The following HUNK variants were observed in gnomAD, a reference collection of about 807,000 sequenced individuals.
HUNK encodes hormonally up-regulated Neu-associated kinase, also known as hormonally up-regulated neu tumor-associated kinase.
Under a neutral mutation model 61.0 loss-of-function variants are expected in HUNK, and 21 were observed. That is an observed-to-expected ratio of 0.34 (90% CI 0.24 to 0.50). The LOEUF is 0.50. Among genes scored for constraint, HUNK ranks in the 20% least tolerant of loss-of-function variants. The pLI is 0.98. For missense variants in HUNK, 772 were observed against 945.7 expected (o/e 0.82, Z 2.41); for synonymous variants, 371 against 386.1 (o/e 0.96, Z 0.46).
Position 31,958,936 on chromosome 21 carries a change from A to G in HUNK, c.840A>G (p.Lys280=). The part of the protein sequence containing the change: ...LRALYQKMVD[K]EMNPLPTQLS... ...CTTTGTACCAGAAGATGGTAGACAA[A>G]GAAATGAACCCCCTCCCCACTCAGC... The change falls in exon 5 of 11, where the codon AAA becomes AAG. Residue 280 remains lysine, a synonymous_variant. Coordinates refer to ENST00000270112, the MANE Select transcript of HUNK (RefSeq NM_014586.2). 1 of 1,610,504 alleles carries G rather than the reference A, an allele frequency of 6.2e-7. No homozygotes were observed. The highest frequency in any genetic ancestry group is 8.5e-7 in the Non-Finnish European group (1 of 1,178,864).
At chr21:31,906,429 G>A (rs543823731) in intron 1 of HUNK, among the ~76,000 whole-genome samples, 46 of 152,112 alleles carry the variant, frequency 3.0e-4, no homozygotes, top group South Asian at 2.9e-3. Flanking sequence ...TGTGGTTGCC[G>A]TTGTTGTTTG....
chr21:31,944,524 T>C (rs1469569774), intron 3 of HUNK, among the ~76,000 whole-genome samples: 11 of 151,910 alleles, frequency 7.2e-5, no homozygotes, highest in Admixed American at 7.2e-4. Flanking sequence ...CCCACACCCA[T>C]GACTCCTGAA....
chr21:31,888,937 A>T (rs2052367615), intron 1 of HUNK, among the ~76,000 whole-genome samples: 1 of 152,102 alleles, frequency 6.6e-6, no homozygotes, highest in Non-Finnish European at 1.5e-5. Flanking sequence ...TTCCTCAATG[A>T]AGGAAGCAGT....
intron 2 of HUNK, among the ~76,000 whole-genome samples, chr21:31,926,579 A>G (rs2052661670): frequency 6.6e-6 from 1 of 152,196 alleles, no homozygotes. Context: ...GCCATTTCAT[A>G]TAAATGGAAT....
chr21:31,885,701 G>A (rs183711445), intron 1 of HUNK, among the ~76,000 whole-genome samples: 4 of 152,126 alleles, frequency 2.6e-5, no homozygotes, highest in Non-Finnish European at 2.9e-5. Flanking sequence ...TGCCCTCCAC[G>A]TGTGTCTGTC....
chr21:31,928,528 T>C (rs1234024397), intron 2 of HUNK, among the ~76,000 whole-genome samples: 2 of 152,216 alleles, frequency 1.3e-5, no homozygotes, highest in Non-Finnish European at 2.9e-5. Context: ...CAGGAATATA[T>C]TTATAATCCA....
intron 1 of HUNK, among the ~76,000 whole-genome samples, chr21:31,888,049 C>G (rs2052359744): frequency 6.6e-6 from 1 of 151,986 alleles, no homozygotes; most frequent in South Asian, 2.1e-4. Context: ...TCATAGTAGC[C>G]TTTTGTGGTA....
chr21:31,961,928 C>T (rs573213705), intron 5 of HUNK, among the ~76,000 whole-genome samples: 79 of 152,310 alleles, frequency 5.2e-4, no homozygotes, highest in African/African-American at 1.9e-3. Context: ...AATCAGCCCC[C>T]AAGTCTTAGT....
chr21:31,918,146 A>G (rs2052598759), intron 1 of HUNK, among the ~76,000 whole-genome samples: 1 of 152,038 alleles, frequency 6.6e-6, no homozygotes, highest in African/African-American at 2.4e-5. Flanking sequence ...TTCAGTTGTT[A>G]TAGATGAAGT....
chr21:31,968,935 G>A (rs527555110), intron 6 of HUNK, among the ~76,000 whole-genome samples: 42 of 152,002 alleles, frequency 2.8e-4, no homozygotes, highest in South Asian at 2.3e-3. Flanking sequence ...CTGGAGTGCA[G>A]TGGCGTAATC....
chr21:31,958,415 C>T (rs2052904508), intron 4 of HUNK, among the ~76,000 whole-genome samples: 1 of 152,146 alleles, frequency 6.6e-6, no homozygotes, highest in African/African-American at 2.4e-5. Flanking sequence ...TCTCCTGCCT[C>T]AGCCTCCCCA....
intron 4 of HUNK, among the ~76,000 whole-genome samples, chr21:31,957,420 G>A (rs184441741): frequency 6.6e-6 from 1 of 152,336 alleles, no homozygotes; most frequent in East Asian, 1.9e-4. Flanking sequence ...ATTTGCGAAT[G>A]ATTTCTAGTG....
intron 7 of HUNK, among the ~76,000 whole-genome samples, chr21:31,979,290 T>A (rs2053074638): frequency 6.6e-6 from 1 of 151,904 alleles, no homozygotes; most frequent in Non-Finnish European, 1.5e-5. Flanking sequence ...AGCTAATTTT[T>A]GTATTTTTAG....
Position 31,873,614 on chromosome 21 carries a change from G to C in HUNK, c.-61G>C. The C allele has an allele frequency of 1.0e-6, 1 of 987,894 alleles. No homozygotes were observed. Among genetic ancestry groups the C allele is most frequent in the Non-Finnish European group, 1.2e-6 (1 of 831,132 alleles). The allele number at this position is 987,894 out of a possible 1,614,324, so 61.2% of individuals were successfully genotyped here. The stretch of plus-strand genomic sequence containing the variant: ...AGAAGCCGGGGAAGCCGAAGAGCCT[G>C]GGGAGGAGGAGCTGCGAGCGCGGGA... On this transcript the variant is annotated 5_prime_UTR_variant, in exon 1 of 11. Coordinates refer to ENST00000270112, the MANE Select transcript of HUNK (RefSeq NM_014586.2). This position sits in a 1 kb window ranked among gnomAD's most constrained non-coding sequence, Gnocchi z 6.1.
intron 1 of HUNK, among the ~76,000 whole-genome samples, chr21:31,881,508 A>G (rs1568915150): frequency 6.6e-6 from 1 of 152,076 alleles, no homozygotes; most frequent in Non-Finnish European, 1.5e-5. Flanking sequence ...CTGTAATCCC[A>G]GCTACTCGGG....
chr21:31,951,568 C>T (rs1251788190), intron 4 of HUNK, among the ~76,000 whole-genome samples: 2 of 152,036 alleles, frequency 1.3e-5, no homozygotes, highest in African/African-American at 2.4e-5. Context: ...GAAGTATTTG[C>T]GTGAGGGCCT....
intron 6 of HUNK, among the ~76,000 whole-genome samples, chr21:31,971,539 A>G (rs1177639941): frequency 6.6e-6 from 1 of 152,158 alleles, no homozygotes; most frequent in African/African-American, 2.4e-5. Context: ...AGAGAAAGGG[A>G]TATTTTCTTT....
intron 2 of HUNK, among the ~76,000 whole-genome samples, chr21:31,934,374 C>T (rs1338233260): frequency 2.1e-5 from 3 of 144,010 alleles, no homozygotes; most frequent in Admixed American, 7.2e-5. Context: ...ACCCGGGAAG[C>T]GGAACTTGCA....
chr21:31,917,115 T>C (rs2123811022), intron 1 of HUNK, among the ~76,000 whole-genome samples: 2 of 152,354 alleles, frequency 1.3e-5, no homozygotes, highest in East Asian at 3.9e-4. Context: ...TTGCTGATTT[T>C]ATCCATCATC....
Sources: gnomAD v4.1 joint callset for allele counts (sites outside exome capture counted in the v4.1 genomes callset) on GRCh38, gnomAD v4.1.1 for gene constraint, Gnocchi (gnomAD v3.1) non-coding constraint, MANE v1.5 for transcripts, NCBI Gene and HGNC (gene_info 2026-07-23, HGNC 2026-07-21) for gene names.